WDFY2: variants seen among roughly 807,000 people sequenced by gnomAD.
WDFY2 encodes WD repeat and FYVE domain containing 2.
Under a neutral mutation model 56.4 loss-of-function variants are expected in WDFY2, and 36 were observed. That is an observed-to-expected ratio of 0.64 (90% CI 0.49 to 0.84). The LOEUF (loss-of-function observed/expected upper bound fraction) is 0.84. Ranked by LOEUF, WDFY2 falls within the 40% of genes least tolerant of loss-of-function variation. The pLI is 0.00. For synonymous variants in WDFY2, 176 were observed against 183.7 expected, an observed-to-expected ratio of 0.96 and a Z score of 0.34; for missense variants, 444 against 512.2, an observed-to-expected ratio of 0.87 and a Z score of 1.29.
intron 6 of WDFY2, among the ~76,000 whole-genome samples, chr13:51,737,292 T>C (rs1952858686): frequency 6.6e-6 from 1 of 152,172 alleles, no homozygotes; most frequent in Non-Finnish European, 1.5e-5. Flanking sequence ...ACTCATTTAA[T>C]CTAATTAACC....
chr13:51,699,626 G>A (rs141521261), intron 3 of WDFY2, among the ~76,000 whole-genome samples: 19 of 152,226 alleles, frequency 1.2e-4, no homozygotes, highest in African/African-American at 4.3e-4. Context: ...ACCACAATGA[G>A]ATACCCTCTT....
intron 11 of WDFY2, among the ~76,000 whole-genome samples, chr13:51,758,587 T>C (rs975225307): frequency 7.0e-6 from 1 of 142,654 alleles, no homozygotes; most frequent in Non-Finnish European, 1.5e-5. Flanking sequence ...CCATTGAAGG[T>C]GAGTGTTTTT....
At chr13:51,740,831 T>C (rs1952954959) in intron 7 of WDFY2, among the ~76,000 whole-genome samples, 1 of 152,194 alleles carries the variant, frequency 6.6e-6, no homozygotes, top group African/African-American at 2.4e-5. Flanking sequence ...AGGTCTTGAA[T>C]GAAGATGACT....
chr13:51,726,551 C>G (rs548048043), intron 5 of WDFY2, among the ~76,000 whole-genome samples: 51 of 152,280 alleles, frequency 3.3e-4, no homozygotes, highest in African/African-American at 1.1e-3. Context: ...GCAGATCTAC[C>G]TGGGACATTC....
At chr13:51,713,961 G>C (rs1952285943) in intron 4 of WDFY2, among the ~76,000 whole-genome samples, 2 of 152,152 alleles carry the variant, frequency 1.3e-5, no homozygotes, top group African/African-American at 4.8e-5. Context: ...CAAGGCCCAG[G>C]AGAGGGGGAA....
At chr13:51,691,393 C>A (rs1956152183) in intron 3 of WDFY2, among the ~76,000 whole-genome samples, 1 of 150,086 alleles carries the variant, frequency 6.7e-6, no homozygotes, top group South Asian at 2.1e-4. Flanking sequence ...AGGAAGGGAT[C>A]CAGTTTCAGC....
intron 7 of WDFY2, among the ~76,000 whole-genome samples, chr13:51,743,312 A>G (rs1351705417): frequency 6.6e-6 from 1 of 152,228 alleles, no homozygotes; most frequent in Non-Finnish European, 1.5e-5. Flanking sequence ...AGGTCAAACT[A>G]TATTTGAGCT....
At chr13:51,738,966 T>A (rs1300764506) in intron 6 of WDFY2, 83 bp from the exon 7 acceptor site, 1 of 1,364,764 alleles carries the variant, frequency 7.3e-7, no homozygotes, top group Admixed American at 2.8e-5. Flanking sequence ...CTGCACTAGG[T>A]TCTGTCTCCG....
chr13:51,649,659 C>T (rs974613656), intron 1 of WDFY2, among the ~76,000 whole-genome samples: 2 of 149,770 alleles, frequency 1.3e-5, no homozygotes, highest in African/African-American at 4.9e-5. Flanking sequence ...TCAATTCCCA[C>T]CTATGAGTGA....
intron 1 of WDFY2, among the ~76,000 whole-genome samples, chr13:51,610,922 C>T (rs1176786110): frequency 1.3e-5 from 2 of 152,144 alleles, no homozygotes; most frequent in Non-Finnish European, 2.9e-5. Flanking sequence ...ATCCTTTGCT[C>T]TGTTGGTGAT....
chr13:51,712,588 C>T (rs1952247037), intron 4 of WDFY2, among the ~76,000 whole-genome samples: 1 of 151,770 alleles, frequency 6.6e-6, no homozygotes, highest in Admixed American at 6.6e-5. Context: ...CCTTAGAATA[C>T]CAGAGAAAGA....
At chr13:51,751,216 G>T in intron 7 of WDFY2, 94 bp from the exon 8 acceptor site, 1 of 1,155,462 alleles carries the variant, frequency 8.7e-7, no homozygotes, top group South Asian at 1.5e-5. Context: ...GGCTCGGAGT[G>T]AGTGAGCACA....
chr13:51,682,657 G>A (rs536064343), intron 3 of WDFY2, among the ~76,000 whole-genome samples: 5 of 152,064 alleles, frequency 3.3e-5, no homozygotes, highest in African/African-American at 4.8e-5. Flanking sequence ...AGTAATAGTT[G>A]TACCAATTTT....
intron 1 of WDFY2, chr13:51,590,759 A>G (rs906024460): frequency 6.6e-6 from 1 of 151,924 alleles, no homozygotes; most frequent in African/African-American, 2.4e-5. Flanking sequence ...ATTCCCTAAC[A>G]GAGAAAAAAA....
At chr13:51,732,437 C>T (rs745424504) in intron 6 of WDFY2, among the ~76,000 whole-genome samples, 3 of 152,136 alleles carry the variant, frequency 2.0e-5, no homozygotes, top group Non-Finnish European at 4.4e-5. Flanking sequence ...ATATTTTGAC[C>T]ACTGGAAATT....
At chr13:51,620,256 A>G (rs1467790709) in intron 1 of WDFY2, among the ~76,000 whole-genome samples, 2 of 152,208 alleles carry the variant, frequency 1.3e-5, no homozygotes, top group Non-Finnish European at 2.9e-5. Context: ...GATGGAATCC[A>G]TAGACCCCCA....
chr13:51,719,064 C>A, intron 4 of WDFY2, 134 bp from the exon 5 acceptor site: 2 of 1,255,720 alleles, frequency 1.6e-6, no homozygotes, highest in Non-Finnish European at 2.2e-6. Flanking sequence ...ACTGTTCTAC[C>A]TTGTCCTTAA....
intron 3 of WDFY2, among the ~76,000 whole-genome samples, chr13:51,690,441 T>C (rs1163268539): frequency 4.0e-5 from 6 of 149,518 alleles, no homozygotes; most frequent in African/African-American, 9.8e-5. Context: ...TGAGAATATG[T>C]GGTGTTTGGT....
In WDFY2 at chr13:51,766,201, CTTTG is replaced by C. The variant is rs1466729483; in HGVS notation, c.*6436_*6439del. The C allele has an allele frequency of 2.0e-5, 3 of 152,098 alleles. No homozygotes were observed. Among genetic ancestry groups the C allele is most frequent in the African/African-American group, 7.2e-5 (3 of 41,408 alleles). The allele number at this position is 152,098 out of a possible 1,614,324, so 9.4% of individuals were successfully genotyped here. A position where few individuals can be genotyped will look rare whatever the true frequency, so the allele number is the denominator to read the frequency against. ...ACCATTTGCCTTGCTTTTTAAATGACTTTGTTTTTCAAGGTGCTGTCATTTTGCA... is the reference window on the plus strand; with the variant it reads ...ACCATTTGCCTTGCTTTTTAAATGACTTTTTCAAGGTGCTGTCATTTTGCA... On this transcript the variant is annotated 3_prime_UTR_variant, in exon 12 of 12. Coordinates refer to ENST00000298125, the MANE Select transcript of WDFY2 (RefSeq NM_052950.4).
Sources: gnomAD v4.1 joint callset for allele counts (sites outside exome capture counted in the v4.1 genomes callset) on GRCh38, gnomAD v4.1.1 for gene constraint, MANE v1.5 for transcripts, NCBI Gene and HGNC (gene_info 2026-07-23, HGNC 2026-07-21) for gene names.